Variants in GALNT13 observed in about 807,000 individuals in gnomAD.
GALNT13 encodes UDP-GalNAc:polypeptide N-acetylgalactosaminyltransferase 13.
A neutral mutation model predicts 64.2 loss-of-function variants in GALNT13; 28 were observed. That is an observed-to-expected ratio of 0.44 (90% CI 0.32 to 0.60). The LOEUF (loss-of-function observed/expected upper bound fraction) is 0.60. GALNT13 is among the 20% of genes least tolerant of loss of function. The probability of loss-of-function intolerance (pLI) is 0.05; values close to 1 mark genes in which losing one functional copy is unlikely to be tolerated. For missense variants in GALNT13, 577 were observed against 669.8 expected, an observed-to-expected ratio of 0.86 and a Z score of 1.53; for synonymous variants, 214 against 224.6, an observed-to-expected ratio of 0.95 and a Z score of 0.42.
chr2:153,811,714 A>G, the GALNT13 span, among the ~76,000 whole-genome samples: 4 of 152,186 alleles, frequency 2.6e-5, no homozygotes, highest in South Asian at 2.1e-4. Context: ...AGAGCTCACA[A>G]TTGAAACCAC....
chr2:154,371,571 G>A (rs529847222), intron 9 of GALNT13, among the ~76,000 whole-genome samples: 4 of 152,118 alleles, frequency 2.6e-5, no homozygotes, highest in Non-Finnish European at 5.9e-5. Flanking sequence ...AGGATTAAGA[G>A]GAAACAATAG....
At chr2:153,506,918 A>G in the GALNT13 span, among the ~76,000 whole-genome samples, 2 of 152,304 alleles carry the variant, frequency 1.3e-5, no homozygotes, top group Admixed American at 6.5e-5. Context: ...TTCCTCTATT[A>G]TTCCCTCAAA....
At chr2:154,357,033 G>A (rs1256363762) in intron 9 of GALNT13, among the ~76,000 whole-genome samples, 4 of 151,918 alleles carry the variant, frequency 2.6e-5, no homozygotes, top group African/African-American at 9.7e-5. Flanking sequence ...TGGGAACTTA[G>A]TGTATAAAAA....
chr2:153,267,689 A>C, the GALNT13 span, among the ~76,000 whole-genome samples: 22 of 152,302 alleles, frequency 1.4e-4, no homozygotes, highest in African/African-American at 4.8e-4. Flanking sequence ...GATACTGTGA[A>C]GATCTCTGAT....
At chr2:153,512,589 T>C in the GALNT13 span, among the ~76,000 whole-genome samples, 394 of 152,286 alleles carry the variant, frequency 2.6e-3, 5 homozygotes, top group Non-Finnish European at 1.6e-3. Context: ...TCTTTATCTA[T>C]AAAATTGGGA....
At chr2:154,359,056 T>C (rs1486641960) in intron 9 of GALNT13, among the ~76,000 whole-genome samples, 1 of 152,160 alleles carries the variant, frequency 6.6e-6, no homozygotes, top group African/African-American at 2.4e-5. Flanking sequence ...TTTGCAGGGC[T>C]GTCTTAATAA....
chr2:153,118,198 T>A, the GALNT13 span, among the ~76,000 whole-genome samples: 2 of 150,080 alleles, frequency 1.3e-5, no homozygotes, highest in African/African-American at 4.9e-5. Flanking sequence ...AAGTCAATAG[T>A]CTTTACCTGG....
At chr2:153,914,824 C>G (rs1226274433) in intron 2 of GALNT13, among the ~76,000 whole-genome samples, 1 of 152,012 alleles carries the variant, frequency 6.6e-6, no homozygotes, top group Non-Finnish European at 1.5e-5. Context: ...TGCATGTTTG[C>G]ATAGGGGAGG....
At chr2:153,418,789 C>T in the GALNT13 span, among the ~76,000 whole-genome samples, 1 of 151,964 alleles carries the variant, frequency 6.6e-6, no homozygotes, top group South Asian at 2.1e-4. Flanking sequence ...CCCCGGGAGG[C>T]AGAGGTTACA....
At chr2:154,131,257 G>A (rs760426071) in intron 3 of GALNT13, among the ~76,000 whole-genome samples, 9 of 152,230 alleles carry the variant, frequency 5.9e-5, no homozygotes, top group Middle Eastern at 3.4e-3. Flanking sequence ...TATAAGAAGC[G>A]TATGAGCTTA....
the GALNT13 span, among the ~76,000 whole-genome samples, chr2:153,304,487 C>G: frequency 6.6e-6 from 1 of 152,140 alleles, no homozygotes; most frequent in Non-Finnish European, 1.5e-5. Context: ...GATGCTTAAA[C>G]TGAGACCCCA....
chr2:153,257,534 A>G, the GALNT13 span, among the ~76,000 whole-genome samples: 1 of 152,190 alleles, frequency 6.6e-6, no homozygotes, highest in African/African-American at 2.4e-5. Context: ...TTGTGACATT[A>G]GAATAGAGAA....
the GALNT13 span, among the ~76,000 whole-genome samples, chr2:153,239,732 A>G: frequency 6.6e-6 from 1 of 152,122 alleles, no homozygotes; most frequent in Non-Finnish European, 1.5e-5. Context: ...GTTTGCTAGT[A>G]TTATGAGGAT....
chr2:153,174,127 C>G, the GALNT13 span, among the ~76,000 whole-genome samples: 4 of 152,140 alleles, frequency 2.6e-5, no homozygotes, highest in East Asian at 5.8e-4. Context: ...CCTCTGAAAT[C>G]CAGGAGGTGA....
Position 154,404,224 on chromosome 2 carries a change from T to C in GALNT13, c.1297-4760T>C, listed in dbSNP as rs117501742. 8.5e-5 allele frequency among the ~76,000 whole-genome samples: 13 copies of C among 152,306 alleles called. No homozygotes were observed. In the East Asian group the frequency reaches 2.1e-3, roughly 25 times the overall value. ...AAAACCACATTGAATGTGGAGTAGT[T>C]AGAATGTGCCAGAAATAGGATAGGC... is the stretch of plus-strand genomic sequence containing the variant. On this transcript the variant is annotated intron_variant, in intron 10 of 12. Transcript: ENST00000392825.
chr2:154,297,204 A>T (rs1033374480), intron 8 of GALNT13, among the ~76,000 whole-genome samples: 1 of 152,216 alleles, frequency 6.6e-6, no homozygotes, highest in African/African-American at 2.4e-5. Context: ...TTAAATTTTT[A>T]AAAGACCACT....
chr2:153,253,746 G>A, the GALNT13 span, among the ~76,000 whole-genome samples: 2 of 149,280 alleles, frequency 1.3e-5, no homozygotes, highest in East Asian at 1.9e-4. Context: ...TTTGTCTTTG[G>A]TTCTGTTTAT....
chr2:154,149,747 A>G (rs1002067800), intron 4 of GALNT13, among the ~76,000 whole-genome samples: 3 of 152,106 alleles, frequency 2.0e-5, no homozygotes, highest in African/African-American at 7.2e-5. Flanking sequence ...TTGGTGTATA[A>G]GAATGCTCAT....
chr2:154,190,868 C>G (rs1686539378), intron 4 of GALNT13, among the ~76,000 whole-genome samples: 1 of 152,168 alleles, frequency 6.6e-6, no homozygotes, highest in Non-Finnish European at 1.5e-5. Context: ...AACATGATTG[C>G]TTTCAACACT....
Sources: allele counts gnomAD v4.1 joint callset (sites outside exome capture counted in the v4.1 genomes callset), GRCh38; gene constraint gnomAD v4.1.1; transcripts MANE v1.5; gene names NCBI Gene and HGNC (gene_info 2026-07-23, HGNC 2026-07-21).